RIBC2: variants seen among roughly 807,000 people sequenced by gnomAD.
RIBC2 encodes the protein RIB43A domain with coiled-coils 2.
RIBC2 carries 40 observed loss-of-function variants against 44.3 expected under a neutral mutation model. The ratio of observed to expected loss-of-function variants is 0.90; its 90% CI spans 0.70 to 1.18. The LOEUF (loss-of-function observed/expected upper bound fraction) is 1.18, where lower values mean the gene tolerates loss of function less well. Among genes scored for constraint, RIBC2 ranks in the 50% most tolerant of loss-of-function variants. The probability of loss-of-function intolerance (pLI) is 0.00; values close to 1 mark genes in which losing one functional copy is unlikely to be tolerated. For missense variants in RIBC2, 459 were observed against 485.5 expected, an observed-to-expected ratio of 0.95 and a Z score of 0.51; for synonymous variants, 171 against 175.0, an observed-to-expected ratio of 0.98 and a Z score of 0.18.
chr22:45,414,404 G>T lies in RIBC2; in HGVS notation c.211+1G>T. 1 of 1,545,924 alleles carries T rather than the reference G, an allele frequency of 6.5e-7. No individual in the cohort carries two copies. On this transcript the variant is annotated splice_donor_variant, in intron 2 of 6. Transcript: ENST00000614167. LOFTEE classifies it high-confidence loss of function. ...GAAAAAGCTAGACATGAAACCTTTG[G>T]TGAGCATTTCCTGAATGCTTATCTA... is the stretch of plus-strand genomic sequence containing the variant.
At chr22:45,418,280 G>A (rs1348359953) in intron 3 of RIBC2, 4 of 186,648 alleles carry the variant, frequency 2.1e-5, no homozygotes, top group Non-Finnish European at 3.4e-5. Flanking sequence ...CCCAGTCTGC[G>A]GGGAAGGTGA....
In RIBC2 at chr22:45,422,482, C is replaced by T. The variant is rs1602116420; in HGVS notation, c.675+74C>T. On this transcript the variant is annotated intron_variant, in intron 4 of 6. Transcript: ENST00000614167. ...GCCCACTACGGCTTCCCAAGGCTCT[C>T]CGGCTTCCCTGGGATCCCAGTCTCA... 1.0e-5 allele frequency: 11 copies of T among 1,081,178 alleles called. No individual in the cohort carries two copies. The East Asian group carries it at 2.4e-4, about 23-fold the overall frequency. 67.0% of individuals were successfully genotyped at this position (1,081,178 alleles called of 1,614,324 possible). A position where few individuals can be genotyped will look rare whatever the true frequency, so the allele number is the denominator to read the frequency against.
chr22:45,424,926 T>C (rs1422416576), intron 4 of RIBC2, among the ~76,000 whole-genome samples: 4 of 151,918 alleles, frequency 2.6e-5, no homozygotes, highest in African/African-American at 9.7e-5. Flanking sequence ...CAGCTAATTT[T>C]TCTATTTTTA....
At chr22:45,427,759 C>A (rs1297961989) in intron 5 of RIBC2, among the ~76,000 whole-genome samples, 1 of 152,226 alleles carries the variant, frequency 6.6e-6, no homozygotes, top group Non-Finnish European at 1.5e-5. Context: ...CTCAGCCTCC[C>A]CAGTAGTTGG....
At chr22:45,432,138 G>C (rs912343922) in intron 6 of RIBC2, 146 bp from the exon 7 acceptor site, 3 of 553,832 alleles carry the variant, frequency 5.4e-6, no homozygotes, top group Admixed American at 3.4e-5. Context: ...GATCATTTTG[G>C]GGGGCTCATT....
At chr22:45,415,647 C>A (rs1247158816) in intron 2 of RIBC2, among the ~76,000 whole-genome samples, 2 of 151,584 alleles carry the variant, frequency 1.3e-5, no homozygotes, top group Non-Finnish European at 2.9e-5. Context: ...CTGCCCCCTA[C>A]CTCTTAATTT....
Position 45,413,843 on chromosome 22 carries a change from T to C in RIBC2, c.-44T>C, listed in dbSNP as rs1450719009. On this transcript the variant is annotated 5_prime_UTR_variant, in exon 1 of 7. Coordinates refer to ENST00000614167, the MANE Select transcript of RIBC2 (RefSeq NM_015653.5). ...CTACAGCTTCCTTATTTTCGTCGCC[T>C]GTTCTCCTGATCCTGCGTGTTCTAA... 1 of 1,509,596 alleles carries C rather than the reference T, an allele frequency of 6.6e-7. No individual in the cohort carries two copies. Among genetic ancestry groups the C allele is most frequent in the African/African-American group, 1.4e-5 (1 of 71,482 alleles). 93.5% of individuals were successfully genotyped at this position (1,509,596 alleles called of 1,614,324 possible). A position where few individuals can be genotyped will look rare whatever the true frequency, so the allele number is the denominator to read the frequency against.
intron 6 of RIBC2, 134 bp from the exon 7 acceptor site, chr22:45,432,150 G>T: frequency 3.5e-6 from 2 of 578,566 alleles, no homozygotes. Context: ...GGGCTCATTA[G>T]GTATGAAACG....
intron 4 of RIBC2, among the ~76,000 whole-genome samples, chr22:45,424,622 T>G (rs1396006557): frequency 6.6e-6 from 1 of 152,230 alleles, no homozygotes; most frequent in East Asian, 1.9e-4. Context: ...ATCCTCACTT[T>G]GGAGCCCAGG....
Position 45,414,007 on chromosome 22 carries a change from A to T in RIBC2, c.121A>T (p.Ile41Leu). ...QKRVFNARNR[I>L]IGGDTEAWDV... is the part of the protein sequence containing the mutation. Reference sequence around the variant, plus strand: ...GCGGGTCTTCAACGCCAGAAACAGGATAATTGGGGTGAAAGGGCAGGGGCC... The same window carrying T: ...GCGGGTCTTCAACGCCAGAAACAGGTTAATTGGGGTGAAAGGGCAGGGGCC... Residue 41 changes from isoleucine (I) to leucine (L), a missense_variant, in exon 1 of 7, where the codon ATA becomes TTA. Coordinates refer to ENST00000614167, the MANE Select transcript of RIBC2 (RefSeq NM_015653.5). The T allele has an allele frequency of 6.4e-7, 1 of 1,551,412 alleles. No homozygotes were observed. The highest frequency in any genetic ancestry group is 8.7e-7 in the Non-Finnish European group (1 of 1,146,834).
At chr22:45,414,481 G>T in intron 2 of RIBC2, 78 bp downstream of exon 2, 1 of 929,888 alleles carries the variant, frequency 1.1e-6, no homozygotes, top group Non-Finnish European at 1.6e-6. Context: ...CCGTCCCCCT[G>T]CCCCGCCTTT....
intron 4 of RIBC2, among the ~76,000 whole-genome samples, chr22:45,425,569 T>C (rs1285958105): frequency 6.6e-6 from 1 of 152,216 alleles, no homozygotes; most frequent in African/African-American, 2.4e-5. Flanking sequence ...TTGAGCGTTC[T>C]TTGCAGCCCA....
intron 4 of RIBC2, 38 bp from the exon 5 acceptor site, chr22:45,425,910 C>A: frequency 6.4e-7 from 1 of 1,563,880 alleles, no homozygotes; most frequent in South Asian, 1.2e-5. Flanking sequence ...CCCCTGGGGT[C>A]ACTCGGACCA....
intron 3 of RIBC2, among the ~76,000 whole-genome samples, chr22:45,422,025 T>A (rs2087490385): frequency 6.6e-6 from 1 of 152,140 alleles, no homozygotes; most frequent in African/African-American, 2.4e-5. Flanking sequence ...TCTTGCCCAC[T>A]GTAAGGATGT....
chr22:45,430,770 C>T, intron 5 of RIBC2, 130 bp from the exon 6 acceptor site: 2 of 1,174,140 alleles, frequency 1.7e-6, no homozygotes, highest in Non-Finnish European at 2.3e-6. Flanking sequence ...TGACATCGGT[C>T]ACCTACCTGC....
chr22:45,414,070 G>C, intron 1 of RIBC2, 55 bp downstream of exon 1: 1 of 1,543,624 alleles, frequency 6.5e-7, no homozygotes, highest in Non-Finnish European at 8.8e-7. Flanking sequence ...GCGAGGGGCT[G>C]CGTGGAGGGG....
At chr22:45,414,117 A>AG in intron 1 of RIBC2, 102 bp downstream of exon 1, 2 of 1,497,888 alleles carry the variant, frequency 1.3e-6, no homozygotes, top group South Asian at 2.7e-5. Flanking sequence ...CATCTGAGCC[A>AG]GGAGGCAGCA....
chr22:45,419,317 C>T (rs2087455557), intron 3 of RIBC2, among the ~76,000 whole-genome samples: 1 of 151,986 alleles, frequency 6.6e-6, no homozygotes, highest in South Asian at 2.1e-4. Flanking sequence ...CTACCCACAT[C>T]CGTGACAGCT....
intron 5 of RIBC2, among the ~76,000 whole-genome samples, chr22:45,429,619 G>A (rs994014233): frequency 6.6e-5 from 10 of 152,032 alleles, no homozygotes; most frequent in South Asian, 2.1e-4. Flanking sequence ...CAGTGGGGCC[G>A]GGACCTGGGC....
Sources: gnomAD v4.1 joint callset for allele counts (sites outside exome capture counted in the v4.1 genomes callset) on GRCh38, gnomAD v4.1.1 for gene constraint, MANE v1.5 for transcripts, NCBI Gene and HGNC (gene_info 2026-07-23, HGNC 2026-07-21) for gene names.